The following DTNA variants were observed in gnomAD, a reference collection of about 807,000 sequenced individuals.
DTNA encodes the protein dystrobrevin alpha.
A neutral mutation model predicts 100.7 loss-of-function variants in DTNA; 43 were observed. The observed-to-expected ratio is 0.43, with a 90% CI of 0.33 to 0.55. The LOEUF (loss-of-function observed/expected upper bound fraction) is 0.55. Ranked by LOEUF, DTNA falls within the 20% of genes least tolerant of loss-of-function variation. The pLI, the probability that DTNA is intolerant of heterozygous loss-of-function variation, is 0.04. For synonymous variants in DTNA, 349 were observed against 347.9 expected (o/e 1.00, Z -0.04); for missense variants, 798 against 953.9 (o/e 0.84, Z 2.15).
At chr18:34,766,589 G>T (rs1044816361) in intron 3 of DTNA, among the ~76,000 whole-genome samples, 1 of 152,056 alleles carries the variant, frequency 6.6e-6, no homozygotes, top group African/African-American at 2.4e-5. Context: ...GAGTTAATGG[G>T]TGCAGCACAC....
intron 1 of DTNA, among the ~76,000 whole-genome samples, chr18:34,693,746 CTGTG>C (rs34072179): frequency 0.055 from 7,886 of 142,616 alleles, 196 homozygotes; most frequent in East Asian, 0.12. Flanking sequence ...CTTGTGTGCA[CTGTG>C]TGTGTGTGTG....
intron 1 of DTNA, among the ~76,000 whole-genome samples, chr18:34,642,706 G>T (rs13381241): frequency 1.3e-5 from 2 of 151,824 alleles, no homozygotes; most frequent in African/African-American, 4.8e-5. Flanking sequence ...TTATGGTCAC[G>T]CACCACCACG....
chr18:34,520,825 G>A (rs2042083306), intron 1 of DTNA, among the ~76,000 whole-genome samples: 1 of 151,992 alleles, frequency 6.6e-6, no homozygotes, highest in South Asian at 2.1e-4. Context: ...GTTGTCCTCA[G>A]ATTTTCTCTC....
intron 9 of DTNA, 47 bp downstream of exon 9, chr18:34,820,962 C>A: frequency 6.2e-7 from 1 of 1,613,508 alleles, no homozygotes; most frequent in Non-Finnish European, 8.5e-7. Flanking sequence ...TCTTCAAGGG[C>A]ACATGTCTGG....
chr18:34,832,857 T>G (rs2096049618), intron 11 of DTNA, among the ~76,000 whole-genome samples: 1 of 152,210 alleles, frequency 6.6e-6, no homozygotes, highest in Admixed American at 6.5e-5. Context: ...GTTAGTGTGA[T>G]GGCCTCATTA....
chr18:34,680,935 A>T (rs75057331), intron 1 of DTNA, among the ~76,000 whole-genome samples: 1,900 of 152,110 alleles, frequency 0.012, 23 homozygotes, highest in Middle Eastern at 0.051. Context: ...TGTATTTTCC[A>T]GCCAGAGCCT....
chr18:34,788,252 T>G (rs73946188), intron 3 of DTNA, among the ~76,000 whole-genome samples: 1 of 152,206 alleles, frequency 6.6e-6, no homozygotes, highest in South Asian at 2.1e-4. Context: ...AACTTCTTAA[T>G]AACTTCTTAA....
rs1300348375 is a variant in DTNA at position 34,549,557 on chromosome 18, T to C, written c.-2+56043T>C. On this transcript the variant is annotated intron_variant, in intron 1 of 19. Coordinates refer to the DTNA transcript ENST00000283365. Reference sequence around the variant, plus strand: ...AATCTAGTTTACAGGAGTGCCCAGATTACCATTGCTGTTTATGTTGCTTTG... The same window carrying C: ...AATCTAGTTTACAGGAGTGCCCAGACTACCATTGCTGTTTATGTTGCTTTG... Among the ~76,000 whole-genome samples, 4 of 152,210 alleles carry C rather than the reference T, an allele frequency of 2.6e-5. No individual in the cohort carries two copies. In the East Asian group the frequency reaches 7.8e-4, roughly 30 times the overall value.
At chr18:34,557,142 T>C (rs2046147388) in intron 1 of DTNA, among the ~76,000 whole-genome samples, 1 of 150,320 alleles carries the variant, frequency 6.7e-6, no homozygotes, top group Non-Finnish European at 1.5e-5. Context: ...TGATACCCTT[T>C]CTTCCAGTTG....
chr18:34,735,546 T>C (rs1489512457), intron 1 of DTNA, among the ~76,000 whole-genome samples: 1 of 152,178 alleles, frequency 6.6e-6, no homozygotes, highest in Non-Finnish European at 1.5e-5. Flanking sequence ...GTTGATTTTC[T>C]TTTATTATTA....
At chr18:34,764,641 T>A (rs548747084) in intron 2 of DTNA, among the ~76,000 whole-genome samples, 1 of 152,154 alleles carries the variant, frequency 6.6e-6, no homozygotes, top group Admixed American at 6.6e-5. Flanking sequence ...AAGATATCGG[T>A]TTGAGTTGAA....
At chr18:34,549,496 G>A (rs2145901261) in intron 1 of DTNA, among the ~76,000 whole-genome samples, 2 of 152,110 alleles carry the variant, frequency 1.3e-5, no homozygotes, top group South Asian at 4.2e-4. Flanking sequence ...TTCCTGGACT[G>A]CATCCTAACT....
chr18:34,676,406 T>C (rs1220779544), intron 1 of DTNA, among the ~76,000 whole-genome samples: 2 of 152,238 alleles, frequency 1.3e-5, no homozygotes, highest in South Asian at 4.1e-4. Context: ...AGACCCTGGA[T>C]GAAAGCTTTT....
intron 1 of DTNA, among the ~76,000 whole-genome samples, chr18:34,638,828 G>C (rs1266580336): frequency 6.6e-6 from 1 of 151,978 alleles, no homozygotes; most frequent in Non-Finnish European, 1.5e-5. Flanking sequence ...TGTTTTCCAG[G>C]CATTGTTTTT....
rs376449309 is a variant in DTNA, at chr18:34,568,859, G to A, written c.-2+75345G>A. Among the ~76,000 whole-genome samples the A allele has an allele frequency of 8.0e-4, 121 of 152,184 alleles. No individual in the cohort carries two copies. The South Asian group carries it at 0.023, about 28-fold the overall frequency. ...GGCTGGTCTCAACCTCAGGTGATCC[G>A]CCTGCCTTGGTCTCCCAAAGTGCTG... On this transcript the variant is annotated intron_variant, in intron 1 of 19. Transcript: ENST00000283365.
intron 16 of DTNA, among the ~76,000 whole-genome samples, chr18:34,862,432 A>T (rs2096641390): frequency 6.6e-6 from 1 of 151,434 alleles, no homozygotes; most frequent in African/African-American, 2.4e-5. Flanking sequence ...TATATTTTAT[A>T]GTTAAAAAGT....
At chr18:34,654,354 T>G (rs1402886103) in intron 1 of DTNA, among the ~76,000 whole-genome samples, 1 of 152,220 alleles carries the variant, frequency 6.6e-6, no homozygotes, top group African/African-American at 2.4e-5. Context: ...GTGACAGTCG[T>G]GTACTAGGTA....
intron 1 of DTNA, among the ~76,000 whole-genome samples, chr18:34,748,390 G>C (rs1206098636): frequency 6.6e-6 from 1 of 152,098 alleles, no homozygotes; most frequent in Non-Finnish European, 1.5e-5. Context: ...CTAGGTTAAA[G>C]TCTAGAAGAG....
At chr18:34,532,539 G>T (rs181677913) in intron 1 of DTNA, among the ~76,000 whole-genome samples, 52 of 150,844 alleles carry the variant, frequency 3.4e-4, no homozygotes, top group Non-Finnish European at 6.7e-4. Context: ...TGTTGTTTTG[G>T]TTTTTTTTTA....
Sources: gnomAD v4.1 joint callset for allele counts (sites outside exome capture counted in the v4.1 genomes callset) on GRCh38, gnomAD v4.1.1 for gene constraint, MANE v1.5 for transcripts, NCBI Gene and HGNC (gene_info 2026-07-23, HGNC 2026-07-21) for gene names.